GRM8: variants seen among roughly 807,000 people sequenced by gnomAD.
GRM8 encodes metabotropic glutamate receptor 8.
A neutral mutation model predicts 87.2 loss-of-function variants in GRM8; 47 were observed. The observed-to-expected ratio is 0.54, with a 90% CI of 0.43 to 0.69. The LOEUF (loss-of-function observed/expected upper bound fraction) is 0.69, where lower values mean the gene tolerates loss of function less well. Among genes scored for constraint, GRM8 ranks in the 30% least tolerant of loss-of-function variants. The pLI, the probability that GRM8 is intolerant of heterozygous loss-of-function variation, is 0.00. For synonymous variants in GRM8, 396 were observed against 404.5 expected (o/e 0.98, Z 0.25); for missense variants, 1,019 against 1,139.2 (o/e 0.89, Z 1.52).
At chr7:127,139,223 C>A (rs577175616) in intron 2 of GRM8, among the ~76,000 whole-genome samples, 1 of 152,246 alleles carries the variant, frequency 6.6e-6, no homozygotes, top group East Asian at 1.9e-4. Flanking sequence ...CTCCCATGAA[C>A]CAAGACACTG....
intron 2 of GRM8, among the ~76,000 whole-genome samples, chr7:127,177,108 T>C (rs1330164798): frequency 5.9e-5 from 9 of 152,042 alleles, no homozygotes; most frequent in African/African-American, 2.2e-4. Flanking sequence ...CAGTGCAAGT[T>C]TTCTAGCCTG....
At chr7:127,148,963 C>A (rs752056888) in intron 2 of GRM8, among the ~76,000 whole-genome samples, 1 of 151,858 alleles carries the variant, frequency 6.6e-6, no homozygotes, top group Admixed American at 6.6e-5. Context: ...AAACATAAGA[C>A]CAGAAACTAT....
chr7:127,186,905 C>T (rs1019387111), intron 2 of GRM8, among the ~76,000 whole-genome samples: 1 of 152,092 alleles, frequency 6.6e-6, no homozygotes, highest in Admixed American at 6.6e-5. Flanking sequence ...AGAACTTAGT[C>T]AAAGGGACCT....
chr7:126,475,748 T>G (rs1226222916), intron 9 of GRM8, among the ~76,000 whole-genome samples: 1 of 152,108 alleles, frequency 6.6e-6, no homozygotes, highest in African/African-American at 2.4e-5. Flanking sequence ...CAAAACAGCA[T>G]GGTGCAAATA....
intron 6 of GRM8, among the ~76,000 whole-genome samples, chr7:126,812,809 G>T (rs1458298414): frequency 6.6e-6 from 1 of 152,016 alleles, no homozygotes; most frequent in African/African-American, 2.4e-5. Flanking sequence ...ACATAGAGCA[G>T]GTATGCTTTT....
chr7:126,821,012 G>T lies in GRM8; in HGVS notation c.1157-50947C>A, dbSNP rs527648848. Among the ~76,000 whole-genome samples, 6 of 152,342 alleles carry T rather than the reference G, an allele frequency of 3.9e-5. No individual in the cohort carries two copies. In the South Asian group the frequency reaches 1.2e-3, roughly 32 times the overall value. On this transcript the variant is annotated intron_variant, in intron 6 of 10. Coordinates refer to ENST00000339582, the MANE Select transcript of GRM8 (RefSeq NM_000845.3). ...ACTACCTCAGGAGGCTGAGGCAGAA[G>T]AACTGCTTGAACCTGGGAGGCAGAG...
intron 10 of GRM8, chr7:126,445,455 T>C (rs1010154909): frequency 6.6e-6 from 1 of 152,294 alleles, no homozygotes; most frequent in Admixed American, 6.6e-5. Context: ...CTGGGTGGAC[T>C]GTAGAGACGA....
At chr7:127,221,416 A>T (rs1233097776) in intron 2 of GRM8, among the ~76,000 whole-genome samples, 1 of 152,056 alleles carries the variant, frequency 6.6e-6, no homozygotes, top group Non-Finnish European at 1.5e-5. Context: ...TCTCGAGAGA[A>T]CCACTCTTGG....
chr7:126,690,399 C>T (rs1808675536), intron 7 of GRM8, among the ~76,000 whole-genome samples: 1 of 152,202 alleles, frequency 6.6e-6, no homozygotes, highest in Non-Finnish European at 1.5e-5. Flanking sequence ...GGTGCCACCT[C>T]CCTGCAAGGC....
At chr7:126,721,660 T>C (rs967031661) in intron 7 of GRM8, among the ~76,000 whole-genome samples, 1 of 152,068 alleles carries the variant, frequency 6.6e-6, no homozygotes, top group African/African-American at 2.4e-5. Context: ...ACTTGACCTC[T>C]CCTGCACTCC....
intron 9 of GRM8, among the ~76,000 whole-genome samples, chr7:126,501,478 C>A (rs1809634902): frequency 6.6e-6 from 1 of 151,890 alleles, no homozygotes; most frequent in Admixed American, 6.6e-5. Context: ...CCATGTGAAG[C>A]CTTAGAAGCA....
chr7:127,058,157 C>T (rs926919811), intron 3 of GRM8: 5 of 522,010 alleles, frequency 9.6e-6, no homozygotes, highest in Non-Finnish European at 2.0e-5. Context: ...CACATCATCG[C>T]ATATTGACAC....
chr7:127,174,704 T>G (rs184372163), intron 2 of GRM8, among the ~76,000 whole-genome samples: 2 of 152,246 alleles, frequency 1.3e-5, no homozygotes, highest in African/African-American at 4.8e-5. Context: ...AAAGTTGAAT[T>G]TGAAGCTAGG....
intron 6 of GRM8, among the ~76,000 whole-genome samples, chr7:126,863,083 T>TA (rs1203093807): frequency 6.6e-6 from 1 of 152,160 alleles, no homozygotes; most frequent in Non-Finnish European, 1.5e-5. Context: ...TATTTCCTGA[T>TA]ATGTACATTC....
At chr7:126,746,185 C>T (rs991791696) in intron 7 of GRM8, among the ~76,000 whole-genome samples, 9 of 151,758 alleles carry the variant, frequency 5.9e-5, no homozygotes, top group African/African-American at 2.2e-4. Flanking sequence ...ATCACATTTC[C>T]TGTGAATTAG....
chr7:127,045,639 A>C (rs1389824994), intron 3 of GRM8, among the ~76,000 whole-genome samples: 5 of 152,182 alleles, frequency 3.3e-5, no homozygotes, highest in Non-Finnish European at 7.3e-5. Flanking sequence ...CACAACAAAA[A>C]AATAGATTCC....
intron 7 of GRM8, among the ~76,000 whole-genome samples, chr7:126,611,588 A>G (rs1395342454): frequency 1.3e-5 from 2 of 152,220 alleles, no homozygotes; most frequent in South Asian, 2.1e-4. Flanking sequence ...ATCACTTTGA[A>G]ATATTTTAAT....
intron 3 of GRM8, among the ~76,000 whole-genome samples, chr7:126,967,632 T>C (rs1168002470): frequency 1.3e-5 from 2 of 152,156 alleles, no homozygotes; most frequent in Admixed American, 6.5e-5. Context: ...AAATCGTCTC[T>C]TCCATTTGCC....
chr7:126,852,779 C>T lies in GRM8; in HGVS notation c.1156+49763G>A, dbSNP rs879097795. Among the ~76,000 whole-genome samples, 3 of 151,704 alleles carry T rather than the reference C, an allele frequency of 2.0e-5. 1 individual carries two copies. The highest frequency in any genetic ancestry group is 2.0e-4 in the Admixed American group (3 of 15,216). ...AAAATATGTGTGTGTTATATACTTT[C>T]ATATATTTATATTTATTTCTGTATA... On this transcript the variant is annotated intron_variant, in intron 6 of 10. Coordinates refer to ENST00000339582, the MANE Select transcript of GRM8 (RefSeq NM_000845.3).
Sources: gnomAD v4.1 joint callset for allele counts (sites outside exome capture counted in the v4.1 genomes callset) on GRCh38, gnomAD v4.1.1 for gene constraint, MANE v1.5 for transcripts, NCBI Gene and HGNC (gene_info 2026-07-23, HGNC 2026-07-21) for gene names.